The following SLC35F4 variants were observed in gnomAD, a reference collection of about 807,000 sequenced individuals.
The protein encoded by SLC35F4 is chromosome 14 open reading frame 36.
In SLC35F4, 24 loss-of-function variants were observed where a neutral mutation model predicts 44.2. The ratio of observed to expected loss-of-function variants is 0.54; its 90% CI spans 0.39 to 0.76. SLC35F4 has a LOEUF of 0.76. SLC35F4 is among the 30% of genes least tolerant of loss of function. The pLI is 0.00. For missense variants in SLC35F4, 562 were observed against 586.1 expected (o/e 0.96, Z 0.42); for synonymous variants, 238 against 223.6 (o/e 1.06, Z -0.57).
In SLC35F4 at chr14:57,807,562, G is replaced by T. The variant is rs1226566884; in HGVS notation, c.103+58161C>A. Among the ~76,000 whole-genome samples, 44 of 151,868 alleles carry T rather than the reference G, an allele frequency of 2.9e-4. 1 individual carries two copies. The highest frequency in any genetic ancestry group is 1.5e-5 in the Non-Finnish European group (1 of 68,030). Reference sequence around the variant, plus strand: ...CAAAACACTATACTTGCTCTCAGAGGAAGAGTTTTCATTCAGTACTGATTG... The same window carrying T: ...CAAAACACTATACTTGCTCTCAGAGTAAGAGTTTTCATTCAGTACTGATTG... On this transcript the variant is annotated intron_variant, in intron 1 of 7. Coordinates refer to ENST00000556826, the MANE Select transcript of SLC35F4 (RefSeq NM_001306087.2).
chr14:57,654,074 C>A (rs2073878177), intron 1 of SLC35F4, among the ~76,000 whole-genome samples: 1 of 152,266 alleles, frequency 6.6e-6, no homozygotes, highest in African/African-American at 2.4e-5. Context: ...ATAACGACAC[C>A]AGTCATATTG....
intron 1 of SLC35F4, among the ~76,000 whole-genome samples, chr14:57,945,139 A>T (rs1300784441): frequency 6.6e-6 from 1 of 152,188 alleles, no homozygotes; most frequent in Non-Finnish European, 1.5e-5. Flanking sequence ...ATTCCCAAAT[A>T]AATACCATTT....
chr14:57,585,556 C>G (rs1456527443), intron 3 of SLC35F4, among the ~76,000 whole-genome samples: 1 of 152,142 alleles, frequency 6.6e-6, no homozygotes, highest in African/African-American at 2.4e-5. Context: ...CAAATTGTCT[C>G]TGTTTGCAGA....
chr14:57,672,827 G>A (rs2074563420), intron 1 of SLC35F4, among the ~76,000 whole-genome samples: 1 of 151,500 alleles, frequency 6.6e-6, no homozygotes, highest in African/African-American at 2.4e-5. Context: ...GTTAGGACAG[G>A]AAAGTGAGCC....
chr14:57,705,640 TA>T (rs2075653690), intron 1 of SLC35F4, among the ~76,000 whole-genome samples: 1 of 152,138 alleles, frequency 6.6e-6, no homozygotes, highest in African/African-American at 2.4e-5. Flanking sequence ...AGGGTTTGGG[TA>T]TCACTATTCT....
In SLC35F4 at chr14:57,788,037, C is replaced by T. The variant is rs147556996; in HGVS notation, c.103+77686G>A. ...GCTCCCTTAGGAGACTCACCTAACA[C>T]ATAAGGACTCACATAGACTTAAAGC... On this transcript the variant is annotated intron_variant, in intron 1 of 7. Transcript: ENST00000556826. 4.4e-3 allele frequency among the ~76,000 whole-genome samples: 672 copies of T among 152,258 alleles called. 6 individuals are homozygous for T. Among genetic ancestry groups the T allele is most frequent in the African/African-American group, 0.015 (620 of 41,554 alleles).
At chr14:57,623,455 C>T (rs529872468) in intron 1 of SLC35F4, among the ~76,000 whole-genome samples, 5 of 152,256 alleles carry the variant, frequency 3.3e-5, no homozygotes, top group Admixed American at 6.5e-5. Context: ...CTGGACCAAG[C>T]GGACCTAATT....
At chr14:57,647,614 C>T (rs919464849) in intron 1 of SLC35F4, among the ~76,000 whole-genome samples, 5 of 152,086 alleles carry the variant, frequency 3.3e-5, no homozygotes, top group Non-Finnish European at 2.9e-5. Context: ...GGAATCCTGG[C>T]CTTATCTGAA....
At chr14:57,619,666 G>A (rs2072065434) in intron 1 of SLC35F4, among the ~76,000 whole-genome samples, 1 of 152,100 alleles carries the variant, frequency 6.6e-6, no homozygotes. Context: ...ACCAGCAAGG[G>A]AACAAAACTG....
At chr14:57,639,767 C>G (rs1430971665) in intron 1 of SLC35F4, among the ~76,000 whole-genome samples, 3 of 151,928 alleles carry the variant, frequency 2.0e-5, no homozygotes, top group African/African-American at 7.2e-5. Flanking sequence ...AATCATGAGT[C>G]TACTAGTATA....
At chr14:57,817,319 T>C (rs906789340) in intron 1 of SLC35F4, among the ~76,000 whole-genome samples, 2 of 152,126 alleles carry the variant, frequency 1.3e-5, no homozygotes, top group African/African-American at 4.8e-5. Context: ...CCTGAGAATT[T>C]TGAATACCTG....
intron 1 of SLC35F4, among the ~76,000 whole-genome samples, chr14:57,950,867 A>G (rs1890125960): frequency 6.6e-6 from 1 of 152,022 alleles, no homozygotes; most frequent in East Asian, 1.9e-4. Flanking sequence ...GGGTTTCGCC[A>G]TCTTGCCAAG....
intron 6 of SLC35F4, among the ~76,000 whole-genome samples, chr14:57,568,140 T>C (rs754153840): frequency 2.6e-5 from 4 of 152,262 alleles, no homozygotes; most frequent in African/African-American, 4.8e-5. Context: ...CACAGTGAGC[T>C]CTCTGCAGTG....
intron 1 of SLC35F4, among the ~76,000 whole-genome samples, chr14:57,916,102 A>G (rs555947998): frequency 6.6e-6 from 1 of 152,334 alleles, no homozygotes; most frequent in East Asian, 1.9e-4. Context: ...GAAGTCCAAG[A>G]GCAGAGTACC....
At chr14:57,980,415 G>C (rs978506970) in intron 1 of SLC35F4, among the ~76,000 whole-genome samples, 21 of 152,294 alleles carry the variant, frequency 1.4e-4, no homozygotes, top group African/African-American at 5.1e-4. Flanking sequence ...GTGGGGTCCT[G>C]CCGAGGAAGG....
At chr14:57,812,475 T>A (rs1193787142) in intron 1 of SLC35F4, among the ~76,000 whole-genome samples, 1 of 152,118 alleles carries the variant, frequency 6.6e-6, no homozygotes, top group Non-Finnish European at 1.5e-5. Flanking sequence ...TATTCACACA[T>A]CTCTGAGAGG....
At chr14:57,865,457 C>T (rs983313416) in intron 1 of SLC35F4, among the ~76,000 whole-genome samples, 4 of 152,216 alleles carry the variant, frequency 2.6e-5, no homozygotes. Context: ...CACCAGGTCC[C>T]CTCCGCACCT....
At chr14:57,596,713 C>T (rs748324149) in intron 1 of SLC35F4, 18 of 1,182,898 alleles carry the variant, frequency 1.5e-5, no homozygotes, top group Middle Eastern at 2.3e-4. Context: ...TTGTGTGTAG[C>T]GAGCAAGTGT....
At chr14:57,751,375 G>A (rs1219990528) in intron 1 of SLC35F4, among the ~76,000 whole-genome samples, 1 of 152,278 alleles carries the variant, frequency 6.6e-6, no homozygotes, top group South Asian at 2.1e-4. Context: ...CAGTAATAAG[G>A]CAAGTGAGTT....
Sources: gnomAD v4.1 joint callset for allele counts (sites outside exome capture counted in the v4.1 genomes callset) on GRCh38, gnomAD v4.1.1 for gene constraint, MANE v1.5 for transcripts, NCBI Gene and HGNC (gene_info 2026-07-23, HGNC 2026-07-21) for gene names.